The following POTEC variants were observed in gnomAD, a reference collection of about 807,000 sequenced individuals.
POTEC encodes ANKRD26-like family B member 2.
A neutral mutation model predicts 62.0 loss-of-function variants in POTEC; 35 were observed. That is an observed-to-expected ratio of 0.56 (90% CI 0.43 to 0.75). The LOEUF is 0.75. Ranked by LOEUF, POTEC falls within the 30% of genes least tolerant of loss-of-function variation. The pLI, the probability that POTEC is intolerant of heterozygous loss-of-function variation, is 0.00. For synonymous variants in POTEC, 156 were observed against 221.5 expected, an observed-to-expected ratio of 0.70 and a Z score of 2.62; for missense variants, 472 against 655.9, an observed-to-expected ratio of 0.72 and a Z score of 3.06.
At position 14,537,918 on chromosome 18, in the gene POTEC, A is replaced by G. The variant is rs761562982; in HGVS notation, c.693T>C (p.Asp231=). Residue 231 remains aspartate, a synonymous_variant, in exon 3 of 11, where the codon GAT becomes GAC. Coordinates refer to ENST00000358970, the MANE Select transcript of POTEC (RefSeq NM_001137671.2). ...CVLMLLEHGA[D]QNIPDEYGNT... ...TTCCATACTCATCTGGAATATTTTG[A>G]TCAGCGCCATGTTCCAGCAACATTA... 5.0e-6 allele frequency: 8 copies of G among 1,612,648 alleles called. No homozygotes were observed. Among genetic ancestry groups the G allele is most frequent in the Non-Finnish European group, 5.9e-6 (7 of 1,179,792 alleles).
Position 14,525,019 on chromosome 18 carries a change from C to A in POTEC, c.1127-36G>T, listed in dbSNP as rs766343536. ...ATCCATATATTCAGTTAAGATGAAC[C>A]ACTTAGAACAGTTAAAAACTATTGC... On this transcript the variant is annotated intron_variant, in intron 6 of 10. Transcript: ENST00000358970. 7 of 1,589,148 alleles carry A rather than the reference C, an allele frequency of 4.4e-6. No homozygotes were observed. The South Asian group carries it at 6.9e-5, about 16-fold the overall frequency.
intron 6 of POTEC, among the ~76,000 whole-genome samples, 169 bp downstream of exon 6, chr18:14,530,314 T>C (rs979174186): frequency 6.6e-6 from 1 of 152,076 alleles, no homozygotes; most frequent in Admixed American, 6.6e-5. Context: ...TATATTATGA[T>C]GTAATAATAA....
At chr18:14,524,258 T>G (rs1192586602) in intron 7 of POTEC, among the ~76,000 whole-genome samples, 2 of 152,196 alleles carry the variant, frequency 1.3e-5, no homozygotes, top group African/African-American at 4.8e-5. Flanking sequence ...CTGCAAGATA[T>G]GATTCTTGTA....
chr18:14,513,930 C>A (rs28478319), intron 9 of POTEC, 145 bp from the exon 10 acceptor site: 2 of 1,484,052 alleles, frequency 1.3e-6, no homozygotes, highest in African/African-American at 1.4e-5. Context: ...CATCTGTTAA[C>A]CCTGCTCTCC....
At chr18:14,518,476 G>A (rs1040148303) in intron 9 of POTEC, among the ~76,000 whole-genome samples, 9 of 151,128 alleles carry the variant, frequency 6.0e-5, no homozygotes, top group East Asian at 1.9e-4. Context: ...GGTTAACAGC[G>A]TTGATGTCAA....
At position 14,542,154 on chromosome 18, in the gene POTEC, C is replaced by T. The variant is rs572198326; in HGVS notation, c.521+472G>A. Among the ~76,000 whole-genome samples the T allele has an allele frequency of 3.9e-5, 6 of 152,220 alleles. No homozygotes were observed. The East Asian group carries it at 9.7e-4, about 25-fold the overall frequency. On this transcript the variant is annotated intron_variant, in intron 1 of 10. Transcript: ENST00000358970. ...TTCCTATTCAAAGATATGAACCATACTTCCCATTTCAGTTTCCTTTTAAGG... is the reference window on the plus strand; with the variant it reads ...TTCCTATTCAAAGATATGAACCATATTTCCCATTTCAGTTTCCTTTTAAGG...
intron 1 of POTEC, among the ~76,000 whole-genome samples, chr18:14,541,089 C>T (rs115478463): frequency 2.3e-3 from 353 of 152,272 alleles, no homozygotes; most frequent in African/African-American, 7.9e-3. Flanking sequence ...ACGGGTTTCA[C>T]CACGCTGGCC....
chr18:14,525,572 T>C (rs1910414885), intron 6 of POTEC, among the ~76,000 whole-genome samples: 1 of 151,860 alleles, frequency 6.6e-6, no homozygotes, highest in Non-Finnish European at 1.5e-5. Flanking sequence ...TCAATGCAGC[T>C]GCAAGGTCAC....
chr18:14,527,126 A>C (rs558766457), intron 6 of POTEC, among the ~76,000 whole-genome samples: 47 of 152,064 alleles, frequency 3.1e-4, no homozygotes, highest in Non-Finnish European at 5.3e-4. Context: ...ACTGTGTTTG[A>C]GTCAGCAATA....
chr18:14,533,361 T>C (rs1905594199), intron 4 of POTEC, among the ~76,000 whole-genome samples, 163 bp from the exon 5 acceptor site: 1 of 152,158 alleles, frequency 6.6e-6, no homozygotes, highest in Non-Finnish European at 1.5e-5. Context: ...GAGTTCATCT[T>C]TGTAAAATAC....
chr18:14,516,298 T>TTA (rs200611192), intron 9 of POTEC, among the ~76,000 whole-genome samples: 1,305 of 25,090 alleles, frequency 0.052, 180 homozygotes, highest in Admixed American at 0.087. Flanking sequence ...AAAGAAAATT[T>TTA]TATATATATA....
chr18:14,543,155 A>G lies in POTEC; in HGVS notation c.-9T>C. 2 of 1,613,694 alleles carry G rather than the reference A, an allele frequency of 1.2e-6. No homozygotes were observed. The highest frequency in any genetic ancestry group is 2.2e-5 in the South Asian group (2 of 91,076). ...CAAACCTCAGTCACCATCTGCTTTT[A>G]ACAGCCCGGGGAGGCCGGTAGTAGC... On this transcript the variant is annotated 5_prime_UTR_variant, in exon 1 of 11. Transcript: ENST00000358970.
chr18:14,535,501 C>T (rs1905682377), intron 3 of POTEC, among the ~76,000 whole-genome samples: 2 of 151,956 alleles, frequency 1.3e-5, no homozygotes, highest in South Asian at 4.2e-4. Flanking sequence ...AAGAATTTTT[C>T]CAACATTTAT....
Position 14,543,112 on chromosome 18 carries a change from G to C in POTEC, c.35C>G (p.Ser12Cys), listed in dbSNP as rs775541578. The change falls in exon 1 of 11, where the codon TCT (serine) becomes TGT (cysteine). Residue 12 changes from serine (S) to cysteine (C), a missense_variant. Physicochemically the swap from Ser to Cys is moderately radical, Grantham distance 112. Transcript: ENST00000358970. ...GAGATCGAATGGCTTCTTCACAGCA[G>C]AGGCAGCGGGCATTGAACAAACCTC... is the stretch of plus-strand genomic sequence containing the variant. ...VTEVCSMPAA[S>C]AVKKPFDLRS... 1.2e-6 allele frequency: 2 copies of C among 1,613,970 alleles called. No homozygotes were observed. The highest frequency in any genetic ancestry group is 2.2e-5 in the South Asian group (2 of 91,082).
At chr18:14,517,135 T>C (rs1910187792) in intron 9 of POTEC, among the ~76,000 whole-genome samples, 1 of 149,846 alleles carries the variant, frequency 6.7e-6, no homozygotes, top group Non-Finnish European at 1.5e-5. Flanking sequence ...TATTAACCAA[T>C]TCACCTTGAC....
rs201483783 is a variant in POTEC at position 14,526,607 on chromosome 18, C to T, written c.1127-1624G>A. 4.3e-3 allele frequency among the ~76,000 whole-genome samples: 654 copies of T among 152,086 alleles called. 26 individuals are homozygous for T. The East Asian group carries it at 0.1, about 23-fold the overall frequency. ...GGCAAGAAAGGGTGACAGCATGCCA[C>T]ACAGCAGCAAGAGCAGGAGCGAGGC... On this transcript the variant is annotated intron_variant, in intron 6 of 10. Coordinates refer to ENST00000358970, the MANE Select transcript of POTEC (RefSeq NM_001137671.2).
intron 1 of POTEC, among the ~76,000 whole-genome samples, chr18:14,540,846 G>T (rs1905907648): frequency 6.6e-6 from 1 of 151,812 alleles, no homozygotes; most frequent in Admixed American, 6.6e-5. Context: ...CAAACTTTGT[G>T]GACAGAAAAC....
Position 14,522,246 on chromosome 18 carries a change from A to C in POTEC, c.1409+8T>G, listed in dbSNP as rs537054888. 75 of 1,581,886 alleles carry C rather than the reference A, an allele frequency of 4.7e-5. No homozygotes were observed. In the East Asian group the frequency reaches 1.7e-3, roughly 35 times the overall value. On this transcript the variant is annotated splice_region_variant and intron_variant, in intron 9 of 10. Transcript: ENST00000358970. ...GTTATCTCCTATTAAATGTTGCCAT[A>C]GGCTTACCTGTGATACTCTTCATTC...
chr18:14,514,301 G>A (rs1390177408), intron 9 of POTEC, among the ~76,000 whole-genome samples: 2 of 151,652 alleles, frequency 1.3e-5, no homozygotes, highest in Admixed American at 6.6e-5. Context: ...CTGACAGGAG[G>A]AGGAGCTCAG....
Sources: gnomAD v4.1 joint callset for allele counts (sites outside exome capture counted in the v4.1 genomes callset) on GRCh38, gnomAD v4.1.1 for gene constraint, MANE v1.5 for transcripts, NCBI Gene and HGNC (gene_info 2026-07-23, HGNC 2026-07-21) for gene names.